The following ITGA1 variants were observed in gnomAD, a reference collection of about 807,000 sequenced individuals.
ITGA1 encodes the protein integrin subunit alpha 1.
ITGA1 carries 85 observed loss-of-function variants against 145.9 expected under a neutral mutation model. The ratio of observed to expected loss-of-function variants is 0.58; its 90% CI spans 0.49 to 0.70. The LOEUF is 0.70. Ranked by LOEUF, ITGA1 falls within the 30% of genes least tolerant of loss-of-function variation. The pLI is 0.00. For missense variants in ITGA1, 1,351 were observed against 1,418.7 expected (o/e 0.95, Z 0.77); for synonymous variants, 520 against 495.3 (o/e 1.05, Z -0.66).
Position 52,788,355 on chromosome 5 carries a change from TGGCCCCTC to T in ITGA1, c.9_16del (p.Arg6?). 1 of 1,509,150 alleles carries T rather than the reference TGGCCCCTC, an allele frequency of 6.6e-7. No homozygotes were observed. Among genetic ancestry groups the T allele is most frequent in the Non-Finnish European group, 8.8e-7 (1 of 1,133,412 alleles). The allele number at this position is 1,509,150 out of a possible 1,614,324, so 93.5% of individuals were successfully genotyped here. On this transcript the variant is annotated frameshift_variant and start_lost, in exon 1 of 29. Coordinates refer to ENST00000282588, the MANE Select transcript of ITGA1 (RefSeq NM_181501.2). LOFTEE classifies it high-confidence loss of function. ...CCTGGCGCTGAGGCTGCTCCGGCCA[TGGCCCCTC>T]GGCCCCGCGCCCGCCCAGGGGTCGC...
At chr5:52,826,298 A>G (rs559851841) in intron 1 of ITGA1, among the ~76,000 whole-genome samples, 10 of 152,322 alleles carry the variant, frequency 6.6e-5, no homozygotes, top group Middle Eastern at 6.8e-3. Context: ...CTTCAGTTCT[A>G]TGAAGGCTGA....
intron 1 of ITGA1, among the ~76,000 whole-genome samples, chr5:52,814,815 C>G (rs990038432): frequency 1.2e-4 from 19 of 152,080 alleles, no homozygotes; most frequent in Non-Finnish European, 2.4e-4. Context: ...TTATCAGTCT[C>G]TAAATTTTCA....
intron 2 of ITGA1, among the ~76,000 whole-genome samples, chr5:52,852,209 A>C (rs1273678188): frequency 6.6e-6 from 1 of 152,154 alleles, no homozygotes; most frequent in Non-Finnish European, 1.5e-5. Context: ...AAAAGAGAAA[A>C]GGATGATGGC....
At chr5:52,911,611 ATAGTGTAT>A (rs1750538394) in intron 14 of ITGA1, among the ~76,000 whole-genome samples, 1 of 93,976 alleles carries the variant, frequency 1.1e-5, no homozygotes, top group South Asian at 3.0e-4. Context: ...TACTATATAT[ATAGTGTAT>A]CTACTATATA....
chr5:52,943,811 C>T (rs1210715826), intron 26 of ITGA1, among the ~76,000 whole-genome samples: 1 of 152,152 alleles, frequency 6.6e-6, no homozygotes, highest in Admixed American at 6.5e-5. Context: ...CCATAGATCT[C>T]AGCTTGGTAC....
chr5:52,834,560 G>GAGAGAGAGAAGAA (rs1554042407), intron 1 of ITGA1, among the ~76,000 whole-genome samples: 14 of 130,690 alleles, frequency 1.1e-4, no homozygotes, highest in African/African-American at 3.7e-4. Context: ...GAAAGAGAGA[G>GAGAGAGAGAAGAA]AGAAAGAGAG....
chr5:52,901,020 C>CATGGCAAAAGGG (rs1750306019), intron 11 of ITGA1, among the ~76,000 whole-genome samples: 1 of 152,150 alleles, frequency 6.6e-6, no homozygotes, highest in Non-Finnish European at 1.5e-5. Context: ...CCATACTTTG[C>CATGGCAAAAGGG]ATGGCAAAAG....
intron 1 of ITGA1, among the ~76,000 whole-genome samples, chr5:52,807,803 C>T (rs1748618492): frequency 6.6e-6 from 1 of 152,130 alleles, no homozygotes; most frequent in South Asian, 2.1e-4. Context: ...ATTGTTATTT[C>T]ACACCTAGTT....
At chr5:52,948,961 T>C (rs998546740) in intron 28 of ITGA1, 11 of 152,198 alleles carry the variant, frequency 7.2e-5, no homozygotes, top group Non-Finnish European at 1.6e-4. Flanking sequence ...CAGTCAGTAG[T>C]CTGAAAAAGC....
At chr5:52,910,056 A>G in intron 13 of ITGA1, 106 bp from the exon 14 acceptor site, 1 of 1,071,736 alleles carries the variant, frequency 9.3e-7, no homozygotes, top group Non-Finnish European at 1.4e-6. Context: ...CTTTACCACT[A>G]ATGTACAAAT....
chr5:52,912,769 C>T (rs151293655), intron 14 of ITGA1, among the ~76,000 whole-genome samples: 1,815 of 140,772 alleles, frequency 0.013, 17 homozygotes, highest in South Asian at 0.035. Flanking sequence ...TTTTTTGAGA[C>T]GGAGTCTCGC....
rs1463096491 is a variant in ITGA1, at chr5:52,918,726, T to C, written c.1989-6T>C. The C allele has an allele frequency of 1.3e-5, 20 of 1,598,500 alleles. No individual in the cohort carries two copies. Among genetic ancestry groups the C allele is most frequent in the Non-Finnish European group, 1.7e-5 (20 of 1,175,304 alleles). On this transcript the variant is annotated splice_polypyrimidine_tract_variant and splice_region_variant and intron_variant, in intron 15 of 28. Coordinates refer to ENST00000282588, the MANE Select transcript of ITGA1 (RefSeq NM_181501.2). ...GTGTGAGTAATCCCATTGTTTTTGT[T>C]TGTAGGTCCCGAGATGTGGCCGTAG...
chr5:52,868,161 T>C (rs755058949), intron 6 of ITGA1, among the ~76,000 whole-genome samples: 1 of 152,198 alleles, frequency 6.6e-6, no homozygotes, highest in African/African-American at 2.4e-5. Flanking sequence ...GCTAATAACA[T>C]GCTTGAAATA....
chr5:52,905,940 T>G, intron 12 of ITGA1, 32 bp downstream of exon 12: 1 of 1,579,098 alleles, frequency 6.3e-7, no homozygotes, highest in Non-Finnish European at 8.7e-7. Context: ...TTATTTAAAT[T>G]AATCTATTCA....
At chr5:52,889,000 C>G (rs1750099943) in intron 8 of ITGA1, among the ~76,000 whole-genome samples, 1 of 152,192 alleles carries the variant, frequency 6.6e-6, no homozygotes. Flanking sequence ...TGCCTTCTCT[C>G]TAGTAAGGAA....
chr5:52,887,975 T>C lies in ITGA1; in HGVS notation c.924+10T>C. On this transcript the variant is annotated intron_variant, in intron 8 of 28. Transcript: ENST00000282588. ...ACGGTTTTCCATAGCTGTAAGTGTGTTGCCGGAGATATTTTCAAACTCTTA... is the reference window on the plus strand; with the variant it reads ...ACGGTTTTCCATAGCTGTAAGTGTGCTGCCGGAGATATTTTCAAACTCTTA... The C allele has an allele frequency of 6.2e-7, 1 of 1,608,104 alleles. No homozygotes were observed. The highest frequency in any genetic ancestry group is 8.5e-7 in the Non-Finnish European group (1 of 1,175,692).
chr5:52,810,360 A>T (rs6877349), intron 1 of ITGA1, among the ~76,000 whole-genome samples: 40,178 of 152,074 alleles, frequency 0.26, 5,586 homozygotes, highest in Non-Finnish European at 0.3. Flanking sequence ...TTCTATTTTT[A>T]TATTCAACAT....
At chr5:52,935,594 C>A (rs1023156970) in intron 23 of ITGA1, among the ~76,000 whole-genome samples, 6 of 152,144 alleles carry the variant, frequency 3.9e-5, no homozygotes, top group African/African-American at 1.4e-4. Context: ...TGAGGATCTG[C>A]TTCCTGCAGT....
At chr5:52,869,375 GGTC>G (rs1316349607) in intron 6 of ITGA1, among the ~76,000 whole-genome samples, 1 of 152,132 alleles carries the variant, frequency 6.6e-6, no homozygotes, top group Non-Finnish European at 1.5e-5. Context: ...TGGCCAGGCT[GGTC>G]TTGAACTCCC....
Sources: allele counts gnomAD v4.1 joint callset (sites outside exome capture counted in the v4.1 genomes callset), GRCh38; gene constraint gnomAD v4.1.1; transcripts MANE v1.5; gene names NCBI Gene and HGNC (gene_info 2026-07-23, HGNC 2026-07-21).